The following SLC22A3 variants were observed in gnomAD, a reference collection of about 807,000 sequenced individuals.
The protein encoded by SLC22A3 is EMT organic cation transporter 3.
In SLC22A3, 51 loss-of-function variants were observed where a neutral mutation model predicts 59.1. The ratio of observed to expected loss-of-function variants is 0.86; its 90% confidence interval spans 0.69 to 1.09. The LOEUF is 1.09. SLC22A3 is among the 50% of genes least tolerant of loss of function. SLC22A3 has a pLI of 0.00. For missense variants in SLC22A3, 711 were observed against 726.3 expected, an observed-to-expected ratio of 0.98 and a Z score of 0.24; for synonymous variants, 325 against 292.0, an observed-to-expected ratio of 1.11 and a Z score of -1.15.
intron 5 of SLC22A3, among the ~76,000 whole-genome samples, chr6:160,416,562 C>A (rs530229093): frequency 1.8e-4 from 27 of 152,286 alleles, no homozygotes; most frequent in African/African-American, 6.3e-4. Flanking sequence ...GGAGCATCCA[C>A]AATCATCCAC....
intron 5 of SLC22A3, among the ~76,000 whole-genome samples, chr6:160,429,162 A>G (rs375722523): frequency 4.6e-5 from 7 of 152,204 alleles, no homozygotes; most frequent in Non-Finnish European, 7.3e-5. Context: ...GGTTCCCCCA[A>G]TCGGTGAGCC....
chr6:160,385,317 C>A (rs1785959708), intron 1 of SLC22A3, among the ~76,000 whole-genome samples: 1 of 152,238 alleles, frequency 6.6e-6, no homozygotes. Context: ...TTCGGTGTAG[C>A]AGGTGCCCTG....
intron 1 of SLC22A3, among the ~76,000 whole-genome samples, chr6:160,393,951 C>T (rs189445597): frequency 6.6e-5 from 10 of 152,326 alleles, no homozygotes; most frequent in South Asian, 4.1e-4. Flanking sequence ...TTCTGCAAAA[C>T]GAAGCAATGT....
chr6:160,418,962 T>G (rs1056279890), intron 5 of SLC22A3, among the ~76,000 whole-genome samples: 35 of 152,196 alleles, frequency 2.3e-4, no homozygotes, highest in African/African-American at 8.2e-4. Context: ...AAATTAAACA[T>G]TAGATGTTAT....
intron 5 of SLC22A3, among the ~76,000 whole-genome samples, chr6:160,436,298 G>T (rs1168796304): frequency 3.9e-5 from 6 of 152,168 alleles, no homozygotes; most frequent in Non-Finnish European, 7.3e-5. Context: ...AGCTAGAGAT[G>T]AGCTGAATTT....
intron 1 of SLC22A3, among the ~76,000 whole-genome samples, chr6:160,369,145 T>C (rs978898422): frequency 6.6e-6 from 1 of 152,248 alleles, no homozygotes; most frequent in Non-Finnish European, 1.5e-5. Context: ...TTCATATCAA[T>C]GATTGCATTT....
At chr6:160,432,943 T>G (rs1288950590) in intron 5 of SLC22A3, among the ~76,000 whole-genome samples, 1 of 152,192 alleles carries the variant, frequency 6.6e-6, no homozygotes, top group Non-Finnish European at 1.5e-5. Context: ...ATAGGAATGA[T>G]AGTAGTATCT....
At chr6:160,438,012 A>G (rs1788412966) in intron 7 of SLC22A3, among the ~76,000 whole-genome samples, 1 of 152,024 alleles carries the variant, frequency 6.6e-6, no homozygotes, top group African/African-American at 2.4e-5. Context: ...GAGGAGGAGG[A>G]GTGAGTTTGG....
chr6:160,375,630 C>T (rs558465852), intron 1 of SLC22A3, among the ~76,000 whole-genome samples: 14 of 152,296 alleles, frequency 9.2e-5, no homozygotes, highest in Non-Finnish European at 2.1e-4. Context: ...GAAAGTAGCT[C>T]ACTTAAGAAA....
chr6:160,394,079 A>T (rs1325074944), intron 1 of SLC22A3, among the ~76,000 whole-genome samples: 1 of 152,266 alleles, frequency 6.6e-6, no homozygotes, highest in Non-Finnish European at 1.5e-5. Context: ...AAGTAACAGA[A>T]TGGGTACACA....
intron 2 of SLC22A3, among the ~76,000 whole-genome samples, chr6:160,403,378 T>G (rs1029803378): frequency 6.6e-6 from 1 of 151,838 alleles, no homozygotes; most frequent in Non-Finnish European, 1.5e-5. Context: ...TAGGGCTATA[T>G]CTATTAAATA....
intron 1 of SLC22A3, among the ~76,000 whole-genome samples, chr6:160,353,269 C>A (rs1784721778): frequency 6.6e-6 from 1 of 152,218 alleles, no homozygotes; most frequent in Non-Finnish European, 1.5e-5. Context: ...TAAGGACCTT[C>A]ATTATGAGAA....
At position 160,437,325 on chromosome 6, in the gene SLC22A3, T is replaced by A. The variant is rs559847196; in HGVS notation, c.1288+114T>A. 4 of 1,057,062 alleles carry A rather than the reference T, an allele frequency of 3.8e-6. No homozygotes were observed. In the Admixed American group the frequency reaches 7.2e-5, roughly 19 times the overall value. 65.5% of individuals were successfully genotyped at this position (1,057,062 alleles called of 1,614,324 possible). A position where few individuals can be genotyped will look rare whatever the true frequency, so the allele number is the denominator to read the frequency against. On this transcript the variant is annotated intron_variant, in intron 7 of 10. Coordinates refer to ENST00000275300, the MANE Select transcript of SLC22A3 (RefSeq NM_021977.4). ...AAATGTGCAATGGAATCACAGTCTT[T>A]CGTGATGTCACTCCATTTTCTGCTT...
chr6:160,426,087 C>T (rs939047987), intron 5 of SLC22A3: 39 of 985,274 alleles, frequency 4.0e-5, no homozygotes, highest in African/African-American at 1.9e-4. Context: ...GTAAGCAACC[C>T]GCAAACTCCA....
At chr6:160,430,198 A>G (rs1027225933) in intron 5 of SLC22A3, among the ~76,000 whole-genome samples, 4 of 151,584 alleles carry the variant, frequency 2.6e-5, no homozygotes, top group African/African-American at 9.7e-5. Flanking sequence ...GATTTGATAA[A>G]TGAATAATAT....
At chr6:160,351,591 C>A (rs1784662833) in intron 1 of SLC22A3, among the ~76,000 whole-genome samples, 1 of 152,184 alleles carries the variant, frequency 6.6e-6, no homozygotes, top group South Asian at 2.1e-4. Flanking sequence ...TTTTTTCTTT[C>A]AAATTCTGTC....
intron 2 of SLC22A3, among the ~76,000 whole-genome samples, chr6:160,401,491 A>G (rs1183611607): frequency 1.3e-5 from 2 of 152,066 alleles, no homozygotes; most frequent in Non-Finnish European, 2.9e-5. Flanking sequence ...AGACTTTGTT[A>G]GACAAAAATT....
At chr6:160,407,312 C>CAGAAATAATTACTGT in intron 3 of SLC22A3, 117 bp downstream of exon 3, 1 of 1,050,054 alleles carries the variant, frequency 9.5e-7, no homozygotes, top group Non-Finnish European at 1.4e-6. Context: ...GGTTTCACTG[C>CAGAAATAATTACTGT]AGCTACAGTA....
chr6:160,359,330 C>G (rs1784942770), intron 1 of SLC22A3, among the ~76,000 whole-genome samples: 1 of 152,130 alleles, frequency 6.6e-6, no homozygotes, highest in Non-Finnish European at 1.5e-5. Flanking sequence ...ATTGAGCATT[C>G]CAATTCTCAT....
Sources: allele counts gnomAD v4.1 joint callset (sites outside exome capture counted in the v4.1 genomes callset), GRCh38; gene constraint gnomAD v4.1.1; transcripts MANE v1.5; gene names NCBI Gene and HGNC (gene_info 2026-07-23, HGNC 2026-07-21).